Variants in PDE4A observed in about 807,000 individuals in gnomAD.
PDE4A encodes 3',5'-cyclic-AMP phosphodiesterase 4A.
Under a neutral mutation model 73.9 loss-of-function variants are expected in PDE4A, and 21 were observed. That is an observed-to-expected ratio of 0.28 (90% CI 0.20 to 0.41). PDE4A has a LOEUF of 0.41. Ranked by LOEUF, PDE4A falls within the 10% of genes least tolerant of loss-of-function variation. The probability of loss-of-function intolerance (pLI) is 1.00; values close to 1 mark genes in which losing one functional copy is unlikely to be tolerated. For synonymous variants in PDE4A, 463 were observed against 505.4 expected, an observed-to-expected ratio of 0.92 and a Z score of 1.13; for missense variants, 958 against 1,211.4, an observed-to-expected ratio of 0.79 and a Z score of 3.10.
intron 14 of PDE4A, among the ~76,000 whole-genome samples, chr19:10,465,588 ATCAC>A (rs1199565849): frequency 6.6e-6 from 1 of 151,366 alleles, no homozygotes; most frequent in African/African-American, 2.4e-5. Context: ...GGTGTGCAAA[ATCAC>A]TCACACACAC....
chr19:10,461,520 C>CT lies in PDE4A; in HGVS notation c.1466-5dup. 6.2e-7 allele frequency: 1 copy of CT among 1,613,636 alleles called. No homozygotes were observed. Among genetic ancestry groups the CT allele is most frequent in the Non-Finnish European group, 8.5e-7 (1 of 1,179,904 alleles). On this transcript the variant is annotated splice_polypyrimidine_tract_variant and splice_region_variant and intron_variant, in intron 11 of 14. Coordinates refer to ENST00000380702, the MANE Select transcript of PDE4A (RefSeq NM_001111307.2). ...GCCCTCCCCTGACCTCCGGGCTGGG[C>CT]TGCAGATTCGGAGCTGGCGCTCATG...
chr19:10,445,901 G>A (rs1249602582), intron 1 of PDE4A, among the ~76,000 whole-genome samples: 1 of 135,582 alleles, frequency 7.4e-6, no homozygotes, highest in Non-Finnish European at 1.6e-5. Context: ...GCAGTGGCAC[G>A]ATCTTGGCTC....
chr19:10,459,974 G>T (rs1231934047), intron 10 of PDE4A, among the ~76,000 whole-genome samples: 1 of 151,930 alleles, frequency 6.6e-6, no homozygotes, highest in Admixed American at 6.6e-5. Flanking sequence ...TCTGCCTCCC[G>T]GGTTCAAGTG....
chr19:10,457,830 A>T, intron 7 of PDE4A, 49 bp from the exon 8 acceptor site: 2 of 1,606,804 alleles, frequency 1.2e-6, no homozygotes, highest in Non-Finnish European at 1.7e-6. Context: ...GGGAGCCTCC[A>T]GGGGTGGAAG....
At chr19:10,416,970 G>C (rs777907814), upstream of PDE4A, 8 of 1,544,136 alleles carry the variant, frequency 5.2e-6, no homozygotes, top group African/African-American at 1.4e-5. Flanking sequence ...TGCCCTGTCC[G>C]TGGCAGGGAC....
At chr19:10,432,174 GA>G (rs1461090376) in intron 1 of PDE4A, among the ~76,000 whole-genome samples, 2 of 109,878 alleles carry the variant, frequency 1.8e-5, no homozygotes, top group African/African-American at 4.2e-5. Context: ...GGAGGGAGGA[GA>G]CGGGGGGGGG....
At chr19:10,464,545 T>C (rs1018595217) in intron 14 of PDE4A, 26 of 429,924 alleles carry the variant, frequency 6.0e-5, no homozygotes, top group Non-Finnish European at 9.2e-5. Flanking sequence ...GCCTCCAGAG[T>C]AGCTGAGAAT....
At chr19:10,449,724 C>T (rs1599434788) in intron 4 of PDE4A, among the ~76,000 whole-genome samples, 1 of 152,018 alleles carries the variant, frequency 6.6e-6, no homozygotes, top group East Asian at 1.9e-4. Context: ...CAGCCACAGT[C>T]CCCAGGCCCA....
At chr19:10,457,552 G>T (rs1404459562) in intron 7 of PDE4A, among the ~76,000 whole-genome samples, 1 of 151,502 alleles carries the variant, frequency 6.6e-6, no homozygotes, top group Non-Finnish European at 1.5e-5. Context: ...CACCCAGAAA[G>T]GTTCCCTGGG....
At chr19:10,440,075 C>T (rs1246028299) in intron 1 of PDE4A, among the ~76,000 whole-genome samples, 1 of 148,942 alleles carries the variant, frequency 6.7e-6, no homozygotes, top group Non-Finnish European at 1.5e-5. Flanking sequence ...GCCTCTGCCA[C>T]CCGGGTTCAA....
chr19:10,455,255 CAGT>C (rs2043152432), intron 7 of PDE4A, among the ~76,000 whole-genome samples: 4 of 151,980 alleles, frequency 2.6e-5, no homozygotes, highest in Admixed American at 1.3e-4. Flanking sequence ...TTGACATCAG[CAGT>C]TTGAGACCTG....
chr19:10,450,479 G>A (rs2043072117), intron 4 of PDE4A, 124 bp from the exon 5 acceptor site: 5 of 1,453,256 alleles, frequency 3.4e-6, no homozygotes, highest in Admixed American at 5.4e-5. Context: ...GTACATGGCA[G>A]CGTCCTTAGG....
intron 6 of PDE4A, among the ~76,000 whole-genome samples, chr19:10,452,529 G>C (rs946320612): frequency 4.6e-5 from 7 of 151,946 alleles, no homozygotes; most frequent in African/African-American, 1.7e-4. Context: ...TGTGCCCTTG[G>C]ATGGGGCGTG....
chr19:10,437,280 C>T (rs1031223851), intron 1 of PDE4A, among the ~76,000 whole-genome samples: 2 of 151,820 alleles, frequency 1.3e-5, no homozygotes, highest in South Asian at 2.1e-4. Flanking sequence ...CACACCAGCA[C>T]GCCAAGCTAA....
At chr19:10,446,141 C>G in intron 1 of PDE4A, 77 bp from the exon 2 acceptor site, 1 of 1,507,542 alleles carries the variant, frequency 6.6e-7, no homozygotes, top group East Asian at 2.5e-5. Flanking sequence ...AGCCACCGCA[C>G]CCGGCCTCCT....
Position 10,424,127 on chromosome 19 carries a change from C to G in PDE4A, c.320+3043C>G, listed in dbSNP as rs942574651. ...GCCCACCCCCAACCGGAGATGTCATCCAAACCTCCCCTCCAGACCTGAAGA... is the reference window on the plus strand; with the variant it reads ...GCCCACCCCCAACCGGAGATGTCATGCAAACCTCCCCTCCAGACCTGAAGA... On this transcript the variant is annotated intron_variant, in intron 1 of 14. Coordinates refer to ENST00000380702, the MANE Select transcript of PDE4A (RefSeq NM_001111307.2). This position sits in a 1 kb window ranked among gnomAD's most constrained non-coding sequence, Gnocchi z 4.8. Among the ~76,000 whole-genome samples, 2 of 152,202 alleles carry G rather than the reference C, an allele frequency of 1.3e-5. No homozygotes were observed. The highest frequency in any genetic ancestry group is 2.9e-5 in the Non-Finnish European group (2 of 68,036).
Position 10,420,702 on chromosome 19 carries a change from A to C in PDE4A, c.-63A>C. 7.1e-7 allele frequency: 1 copy of C among 1,401,244 alleles called. No homozygotes were observed. The highest frequency in any genetic ancestry group is 9.2e-7 in the Non-Finnish European group (1 of 1,088,890). The allele number at this position is 1,401,244 out of a possible 1,614,324, so 86.8% of individuals were successfully genotyped here. A position where few individuals can be genotyped will look rare whatever the true frequency, so the allele number is the denominator to read the frequency against. On this transcript the variant is annotated 5_prime_UTR_variant, in exon 1 of 15. Transcript: ENST00000380702. This position sits in a 1 kb window ranked among gnomAD's most constrained non-coding sequence, Gnocchi z 6.0. Reference sequence around the variant, plus strand: ...GCCCTGGGCTCGCTGGCTTGCGCGCAGCTGAGCGGGGTGTAGGTTGGAAGG... The same window carrying C: ...GCCCTGGGCTCGCTGGCTTGCGCGCCGCTGAGCGGGGTGTAGGTTGGAAGG...
intron 1 of PDE4A, among the ~76,000 whole-genome samples, chr19:10,435,360 A>C (rs1243403224): frequency 6.6e-6 from 1 of 151,834 alleles, no homozygotes; most frequent in Admixed American, 6.6e-5. Flanking sequence ...CTAGGAGTTC[A>C]AGACCAGCCT....
chr19:10,448,245 G>A (rs1247143300), intron 2 of PDE4A, among the ~76,000 whole-genome samples: 1 of 151,590 alleles, frequency 6.6e-6, no homozygotes, highest in Non-Finnish European at 1.5e-5. Context: ...GACTACAGGC[G>A]TGCGTCACCA....
Sources: allele counts gnomAD v4.1 joint callset (sites outside exome capture counted in the v4.1 genomes callset), GRCh38; gene constraint gnomAD v4.1.1; non-coding constraint Gnocchi (gnomAD v3.1); transcripts MANE v1.5; gene names NCBI Gene and HGNC (gene_info 2026-07-23, HGNC 2026-07-21).